The following ALG13 variants were observed in gnomAD, a reference collection of about 807,000 sequenced individuals.
ALG13 encodes ALG13 UDP-N-acetylglucosaminyltransferase subunit.
Under a neutral mutation model 87.8 loss-of-function variants are expected in ALG13, and 11 were observed. The observed-to-expected ratio is 0.13, with a 90% CI of 0.08 to 0.21. The LOEUF is 0.21. ALG13 is among the 10% of genes least tolerant of loss of function. The pLI, the probability that ALG13 is intolerant of heterozygous loss-of-function variation, is 1.00. For missense variants in ALG13, 756 were observed against 866.1 expected (o/e 0.87, Z 1.60); for synonymous variants, 320 against 306.3 (o/e 1.04, Z -0.47).
chrX:111,707,323 C>A (rs2039865954), intron 3 of ALG13, among the ~76,000 whole-genome samples: 1 of 112,392 alleles, frequency 8.9e-6, no homozygotes, highest in Non-Finnish European at 1.9e-5. Context: ...TAAAGAAACA[C>A]ACTTTTTTGC....
chrX:111,690,977 G>A (rs1002709386), intron 3 of ALG13, among the ~76,000 whole-genome samples: 1 of 111,561 alleles, frequency 9.0e-6, no homozygotes, highest in Non-Finnish European at 1.9e-5. Context: ...ACTTCATATA[G>A]TCTGAGAAAT....
At chrX:111,712,075 A>G (rs1805024418) in intron 6 of ALG13, among the ~76,000 whole-genome samples, 1 of 112,236 alleles carries the variant, frequency 8.9e-6, no homozygotes, top group Non-Finnish European at 1.9e-5. Context: ...CCTGATTTGT[A>G]GTTGTCTTCC....
Position 111,715,170 on chromosome X carries a change from C to G in ALG13, c.1005+1873C>G, listed in dbSNP as rs772320471. 3.6e-5 allele frequency among the ~76,000 whole-genome samples: 4 copies of G among 111,694 alleles called. No homozygotes were observed. The East Asian group carries it at 1.1e-3, about 31-fold the overall frequency. On this transcript the variant is annotated intron_variant, in intron 8 of 26. Coordinates refer to ENST00000394780, the MANE Select transcript of ALG13 (RefSeq NM_001099922.3). ...TTACCCATTGGGAACCATGAGAATACAAAAATTTCAGACCTTTTGAGTGTG... is the reference window on the plus strand; with the variant it reads ...TTACCCATTGGGAACCATGAGAATAGAAAAATTTCAGACCTTTTGAGTGTG...
intron 3 of ALG13, among the ~76,000 whole-genome samples, chrX:111,692,728 A>G (rs1369854899): frequency 1.8e-5 from 2 of 112,218 alleles, no homozygotes; most frequent in Non-Finnish European, 3.8e-5. Flanking sequence ...GTTAAAAATC[A>G]GGTATATGAA....
intron 26 of ALG13, among the ~76,000 whole-genome samples, chrX:111,759,029 C>CTT (rs201503458): frequency 3.8e-5 from 4 of 105,316 alleles, no homozygotes; most frequent in Non-Finnish European, 2.0e-5. Flanking sequence ...CAGTGTCAAT[C>CTT]TTTTTTTTTT....
At chrX:111,718,573 G>A (rs1261023101) in intron 10 of ALG13, among the ~76,000 whole-genome samples, 2 of 111,844 alleles carry the variant, frequency 1.8e-5, no homozygotes, top group Non-Finnish European at 3.8e-5. Flanking sequence ...TGTTAGAAAG[G>A]CAGGTTCCTG....
In ALG13 at chrX:111,712,505, A is replaced by G. The variant is rs1050522629; in HGVS notation, c.907A>G (p.Ile303Val). 2.5e-6 allele frequency: 3 copies of G among 1,180,727 alleles called. No individual in the cohort carries two copies. The highest frequency in any genetic ancestry group is 3.4e-6 in the Non-Finnish European group (3 of 875,275). The change falls in exon 7 of 27, where the codon ATA (isoleucine) becomes GTA (valine). Residue 303 changes from isoleucine (I) to valine (V), a missense_variant. This residue lies in a region of ALG13 where 60 missense variants were observed against 54.5 expected (regional missense o/e 1.10). Transcript: ENST00000394780. ...TTAGGAAAGTGCTGGCCAGCTGGAA[A>G]TAAGAGCTCTTTCTCTAATTTATAA... ...DPKESAGQLE[I>V]RALSLIYNRD...
Position 111,706,175 on chromosome X carries a change from G to A in ALG13, c.384-1852G>A, listed in dbSNP as rs1438883077. On this transcript the variant is annotated intron_variant, in intron 3 of 26. Transcript: ENST00000394780. ...CTCCCAAGTAGCTGGGACTACAGGC[G>A]CCCACCACCACGCCCAGCTAATTTT... is the stretch of plus-strand genomic sequence containing the variant. Among the ~76,000 whole-genome samples the A allele has an allele frequency of 8.2e-5, 9 of 109,854 alleles. No homozygotes were observed. In the East Asian group the frequency reaches 1.2e-3, roughly 14 times the overall value.
At chrX:111,698,556 ACT>A (rs1163110389) in intron 3 of ALG13, among the ~76,000 whole-genome samples, 1 of 110,632 alleles carries the variant, frequency 9.0e-6, no homozygotes, top group Non-Finnish European at 1.9e-5. Flanking sequence ...CATCATTCTA[ACT>A]CTCTACTTCT....
intron 1 of ALG13, chrX:111,681,614 A>C (rs1249459155): frequency 3.6e-5 from 33 of 922,693 alleles, no homozygotes; most frequent in Non-Finnish European, 4.3e-5. Flanking sequence ...CCTCCTTCCA[A>C]CGGCTCCGCC....
chrX:111,711,518 G>A (rs1043221255), intron 5 of ALG13, among the ~76,000 whole-genome samples, 157 bp from the exon 6 acceptor site: 35 of 112,105 alleles, frequency 3.1e-4, no homozygotes, highest in African/African-American at 1.1e-3. Context: ...CATGACTTTT[G>A]TGTATGTGCA....
At chrX:111,755,493 G>A (rs766634459) in intron 25 of ALG13, among the ~76,000 whole-genome samples, 5 of 112,160 alleles carry the variant, frequency 4.5e-5, no homozygotes, top group Non-Finnish European at 9.4e-5. Flanking sequence ...GTGTGAACAG[G>A]CAACCTACAG....
intron 14 of ALG13, 50 bp from the exon 15 acceptor site, chrX:111,724,884 A>G: frequency 2.5e-6 from 3 of 1,182,947 alleles, no homozygotes; most frequent in Non-Finnish European, 3.4e-6. Context: ...ATTGAATGAA[A>G]GTTAAGTCTG....
At chrX:111,727,217 G>A in intron 16 of ALG13, 115 bp from the exon 17 acceptor site, 1 of 882,683 alleles carries the variant, frequency 1.1e-6, no homozygotes, top group Non-Finnish European at 1.6e-6. Context: ...AGAGAGCAGA[G>A]CTCTTTCTAG....
intron 19 of ALG13, among the ~76,000 whole-genome samples, chrX:111,729,897 T>C (rs1011997480): frequency 2.7e-5 from 3 of 112,221 alleles, no homozygotes; most frequent in Non-Finnish European, 3.8e-5. Flanking sequence ...ATAGACACCA[T>C]TGAGTATTTA....
chrX:111,687,008 A>G (rs1284552987), intron 3 of ALG13, among the ~76,000 whole-genome samples: 1 of 111,581 alleles, frequency 9.0e-6, no homozygotes, highest in East Asian at 2.8e-4. Flanking sequence ...CCCAGGCTGG[A>G]GTGCAATGGT....
In ALG13 at chrX:111,724,991, C is replaced by T. The variant is rs920281759; in HGVS notation, c.1659C>T (p.Ala553=). The T allele has an allele frequency of 1.7e-6, 2 of 1,209,103 alleles. No individual in the cohort carries two copies. The highest frequency in any genetic ancestry group is 2.2e-6 in the Non-Finnish European group (2 of 894,469). ...TTACCCAAGTGATGTCTGTTCCTGC[C>T]TGGAATGCTATGCCCAGTCGGAAAG... ...KPVTQVMSVP[A]WNAMPSRKGR... is the part of the protein sequence containing the mutation. The change falls in exon 15 of 27, where the codon GCC becomes GCT. Residue 553 remains alanine, a synonymous_variant. Transcript: ENST00000394780.
At chrX:111,688,432 TA>T in intron 3 of ALG13, 1 of 748,634 alleles carries the variant, frequency 1.3e-6, no homozygotes, top group Non-Finnish European at 1.6e-6. Flanking sequence ...GAACCAAATT[TA>T]AAAAATGATG....
intron 10 of ALG13, among the ~76,000 whole-genome samples, chrX:111,718,623 G>C (rs142312557): frequency 3.6e-5 from 4 of 112,156 alleles, no homozygotes; most frequent in African/African-American, 1.3e-4. Context: ...ATGGGACCAG[G>C]AATCTGTTTT....
Sources: allele counts gnomAD v4.1 joint callset (sites outside exome capture counted in the v4.1 genomes callset), GRCh38; gene constraint gnomAD v4.1.1; regional missense constraint gnomAD v4.1.1; transcripts MANE v1.5; gene names NCBI Gene and HGNC (gene_info 2026-07-23, HGNC 2026-07-21).